The following MTSS2 variants were observed in gnomAD, a reference collection of about 807,000 sequenced individuals.
The protein encoded by MTSS2 is MTSS I-BAR domain containing 2.
MTSS2 carries 27 observed loss-of-function variants against 67.1 expected under a neutral mutation model. That is an observed-to-expected ratio of 0.40 (90% CI 0.30 to 0.55). The LOEUF is 0.55. MTSS2 is among the 20% of genes least tolerant of loss of function. The pLI is 0.43. For missense variants in MTSS2, 1,171 were observed against 1,067.8 expected (o/e 1.10, Z -1.35); for synonymous variants, 624 against 468.6 (o/e 1.33, Z -4.28).
At chr16:70,680,913 G>C in intron 2 of MTSS2, 46 bp from the exon 3 acceptor site, 2 of 1,393,066 alleles carry the variant, frequency 1.4e-6, no homozygotes, top group Non-Finnish European at 2.0e-6. Context: ...TTGGGCGGGG[G>C]GGGGGCCTCT....
At position 70,662,736 on chromosome 16, in the gene MTSS2, CCA is replaced by C. The variant is rs1333238306; in HGVS notation, c.*939_*940del. ...CCTCTCCCCCACACTTAGTCCTCGT[CCA>C]CAGTCAGCTCCATTTTATTATATTC... On this transcript the variant is annotated 3_prime_UTR_variant, in exon 15 of 15. Coordinates refer to ENST00000338779, the MANE Select transcript of MTSS2 (RefSeq NM_138383.3). The C allele has an allele frequency of 6.6e-6, 1 of 152,656 alleles. No homozygotes were observed. Among genetic ancestry groups the C allele is most frequent in the Non-Finnish European group, 1.5e-5 (1 of 68,098 alleles). The allele number at this position is 152,656 out of a possible 1,614,324, so 9.5% of individuals were successfully genotyped here. A position where few individuals can be genotyped will look rare whatever the true frequency, so the allele number is the denominator to read the frequency against.
intron 11 of MTSS2, 84 bp downstream of exon 11, chr16:70,674,212 CTCAACAGCTA>C: frequency 8.8e-7 from 1 of 1,137,758 alleles, no homozygotes; most frequent in Non-Finnish European, 1.3e-6. Context: ...CTATAGTAGT[CTCAACAGCTA>C]TAGTAGTCCC....
At position 70,675,584 on chromosome 16, in the gene MTSS2, T is replaced by G. The variant is rs183709917; in HGVS notation, c.831-1056A>C. Among the ~76,000 whole-genome samples, 862 of 152,220 alleles carry G rather than the reference T, an allele frequency of 5.7e-3. 4 individuals carry two copies. Among genetic ancestry groups the G allele is most frequent in the Non-Finnish European group, 9.9e-3 (671 of 68,004 alleles). On this transcript the variant is annotated intron_variant, in intron 10 of 14. Transcript: ENST00000338779. ...CACACACCACCATGCCCGGCTAATTTTTTTGTATTTTTTAGTAAAGACGGG... is the reference window on the plus strand; with the variant it reads ...CACACACCACCATGCCCGGCTAATTGTTTTGTATTTTTTAGTAAAGACGGG...
chr16:70,671,058 G>C (rs774259628), intron 11 of MTSS2, among the ~76,000 whole-genome samples: 1 of 151,526 alleles, frequency 6.6e-6, no homozygotes. Flanking sequence ...AGCACTGCTG[G>C]CTTCAGGAGT....
intron 11 of MTSS2, among the ~76,000 whole-genome samples, chr16:70,666,434 C>G (rs1005892386): frequency 1.3e-5 from 2 of 152,216 alleles, no homozygotes; most frequent in African/African-American, 4.8e-5. Context: ...TAGACACAGG[C>G]CCATGAAATC....
chr16:70,674,913 G>C (rs889168129), intron 10 of MTSS2, among the ~76,000 whole-genome samples: 26 of 152,216 alleles, frequency 1.7e-4, no homozygotes, highest in African/African-American at 6.3e-4. Flanking sequence ...AGGAGTTCAA[G>C]ACCAGCCTGG....
chr16:70,681,917 TG>T (rs1026165066), intron 1 of MTSS2, among the ~76,000 whole-genome samples: 2 of 152,200 alleles, frequency 1.3e-5, no homozygotes, highest in Admixed American at 6.5e-5. Flanking sequence ...CGGGCAGCCC[TG>T]GGCCAGCCAA....
At chr16:70,669,543 T>C (rs530843020) in intron 11 of MTSS2, among the ~76,000 whole-genome samples, 1 of 152,070 alleles carries the variant, frequency 6.6e-6, no homozygotes, top group African/African-American at 2.4e-5. Flanking sequence ...AAGCTGGGCA[T>C]GGTGGCTCAT....
Position 70,664,034 on chromosome 16 carries a change from G to C in MTSS2, c.1887C>G (p.Asp629Glu). Residue 629 changes from aspartate to glutamate, a missense_variant, in exon 15 of 15, where the codon GAC becomes GAG. Coordinates refer to ENST00000338779, the MANE Select transcript of MTSS2 (RefSeq NM_138383.3). ...GCCTCTTTGGGGAGGCCTTGGCGAG[G>C]TCCGGTGCCAGGGGTGAGGCGGTCT... ...TDETASPLAP[D>E]LAKASPKRLS... 6.2e-7 allele frequency: 1 copy of C among 1,608,622 alleles called. No individual in the cohort carries two copies. The highest frequency in any genetic ancestry group is 8.5e-7 in the Non-Finnish European group (1 of 1,178,272).
Position 70,663,908 on chromosome 16 carries a change from C to T in MTSS2, c.2013G>A (p.Arg671=), listed in dbSNP as rs1303089317. 1.3e-6 allele frequency: 2 copies of T among 1,549,170 alleles called. No homozygotes were observed. The highest frequency in any genetic ancestry group is 1.2e-5 in the South Asian group (1 of 84,382). ...CCCCCAGCTTCTCCACCAGGCTGTGCCGGTTGGCCGCCAGCTGCTGCTGCT... is the reference window on the plus strand; with the variant it reads ...CCCCCAGCTTCTCCACCAGGCTGTGTCGGTTGGCCGCCAGCTGCTGCTGCT... The part of the protein sequence containing the change: ...EDEQQQLAAN[R]HSLVEKLGEL... The change falls in exon 15 of 15, where the codon CGG becomes CGA. Residue 671 remains arginine, a synonymous_variant. Coordinates refer to ENST00000338779, the MANE Select transcript of MTSS2 (RefSeq NM_138383.3).
At chr16:70,684,736 C>T (rs774695636) in intron 1 of MTSS2, among the ~76,000 whole-genome samples, 39 of 152,202 alleles carry the variant, frequency 2.6e-4, no homozygotes, top group Admixed American at 5.9e-4. Context: ...AAAGGGGGCA[C>T]GGCAGGAGGG....
At position 70,661,310 on chromosome 16, in the gene MTSS2, G is replaced by C. The variant is rs1234038441; in HGVS notation, c.*2367C>G. 1 of 451,148 alleles carries C rather than the reference G, an allele frequency of 2.2e-6. No individual in the cohort carries two copies. The highest frequency in any genetic ancestry group is 2.1e-5 in the African/African-American group (1 of 48,744). 27.9% of individuals were successfully genotyped at this position (451,148 alleles called of 1,614,324 possible). ...GGGAGGATGGTGTGGAGGGGGCGGGGAGGAGAGGAGAATTTTTCCAAAATC... is the reference window on the plus strand; with the variant it reads ...GGGAGGATGGTGTGGAGGGGGCGGGCAGGAGAGGAGAATTTTTCCAAAATC... On this transcript the variant is annotated 3_prime_UTR_variant, in exon 15 of 15. Transcript: ENST00000338779.
chr16:70,669,885 G>A (rs549028142), intron 11 of MTSS2, among the ~76,000 whole-genome samples: 1 of 151,640 alleles, frequency 6.6e-6, no homozygotes, highest in South Asian at 2.1e-4. Context: ...AAATATACAG[G>A]GAACTACTAT....
rs779335726 is a variant in MTSS2 at position 70,664,195 on chromosome 16, G to A, written c.1726C>T (p.Arg576Cys). The change falls in exon 15 of 15, where the codon CGC becomes TGC. Residue 576 changes from arginine (R) to cysteine (C), a missense_variant. By Grantham distance (180) the Arg-to-Cys change is radical. Around this residue, in one of 2 missense-constraint regions of MTSS2, gnomAD observed 924 missense variants for 756.0 expected, o/e 1.22. Transcript: ENST00000338779. ...ATGGGGCCAGCGCTGGACAGGGCGC[G>A]GCGCACGGTGGGCTTGGTGGAGGGT... ...RTPSTKPTVR[R>C]ALSSAGPIPI... The A allele has an allele frequency of 6.3e-6, 10 of 1,595,856 alleles. No individual in the cohort carries two copies. The highest frequency in any genetic ancestry group is 2.2e-5 in the East Asian group (1 of 44,662).
intron 7 of MTSS2, 105 bp from the exon 8 acceptor site, chr16:70,678,514 G>A: frequency 7.2e-7 from 1 of 1,386,662 alleles, no homozygotes; most frequent in Non-Finnish European, 9.7e-7. Flanking sequence ...CCGTTGGGCT[G>A]GGTGTTGCCC....
Position 70,677,843 on chromosome 16 carries a change from G to C in MTSS2, c.681C>G (p.Asp227Glu). Residue 227 changes from aspartate (D) to glutamate (E), a missense_variant, in exon 9 of 15, where the codon GAC (aspartate) becomes GAG (glutamate). Physicochemically the swap from Asp to Glu is conservative, Grantham distance 45 (BLOSUM62 2). Around this residue, in one of 2 missense-constraint regions of MTSS2, gnomAD observed 924 missense variants for 756.0 expected, o/e 1.22. Transcript: ENST00000338779. Reference sequence around the variant, plus strand: ...GGGGTTCTGCTGTCAGCACCACCAAGTCGTCGATGATGCCCTGCAGGTGGG... The same window carrying C: ...GGGGTTCTGCTGTCAGCACCACCAACTCGTCGATGATGCCCTGCAGGTGGG... The part of the protein sequence containing the change: ...EITHLQGIID[D>E]LVVLTAEPHK... The C allele has an allele frequency of 6.2e-7, 1 of 1,612,702 alleles. No individual in the cohort carries two copies.
intron 3 of MTSS2, among the ~76,000 whole-genome samples, chr16:70,680,289 G>T (rs1259577527): frequency 1.3e-5 from 2 of 152,106 alleles, no homozygotes; most frequent in African/African-American, 4.8e-5. Flanking sequence ...CTCTCTCCCA[G>T]CTGGGAGAGG....
At position 70,662,564 on chromosome 16, in the gene MTSS2, T is replaced by A. The variant is rs997469238; in HGVS notation, c.*1113A>T. The A allele has an allele frequency of 6.6e-6, 1 of 152,360 alleles. No individual in the cohort carries two copies. The highest frequency in any genetic ancestry group is 2.4e-5 in the African/African-American group (1 of 41,380). 9.4% of individuals were successfully genotyped at this position (152,360 alleles called of 1,614,324 possible). ...AGACAGGCCGGGAGCCTCCCAACCT[T>A]ATTTTGGCTACGCTCGAGACACTGG... On this transcript the variant is annotated 3_prime_UTR_variant, in exon 15 of 15. Transcript: ENST00000338779.
Position 70,686,013 on chromosome 16 carries a change from GCGGCGCGGGCAGCTCGCGGCGCAGCCT to G in MTSS2, c.-249_-223del, listed in dbSNP as rs2053448258. 6.8e-6 allele frequency: 1 copy of G among 147,398 alleles called. No homozygotes were observed. The highest frequency in any genetic ancestry group is 6.8e-5 in the Admixed American group (1 of 14,754). 9.1% of individuals were successfully genotyped at this position (147,398 alleles called of 1,614,324 possible). On this transcript the variant is annotated 5_prime_UTR_variant, in exon 1 of 15. Transcript: ENST00000338779. The stretch of plus-strand genomic sequence containing the variant: ...GGGGCTGGCGGGCGGCGCGGGGGGC[GCGGCGCGGGCAGCTCGCGGCGCAGCCT>G]CGGCGCGGGGACTGACGGCGGCGGT...
Sources: allele counts gnomAD v4.1 joint callset (sites outside exome capture counted in the v4.1 genomes callset), GRCh38; gene constraint gnomAD v4.1.1; regional missense constraint gnomAD v4.1.1; transcripts MANE v1.5; gene names NCBI Gene and HGNC (gene_info 2026-07-23, HGNC 2026-07-21).